The following LMLN variants were observed in gnomAD, a reference collection of about 807,000 sequenced individuals.
LMLN encodes leishmanolysin like peptidase, also known as leishmanolysin-like peptidase.
Under a neutral mutation model 92.3 loss-of-function variants are expected in LMLN, and 70 were observed. The ratio of observed to expected loss-of-function variants is 0.76; its 90% CI spans 0.63 to 0.92. LMLN has a LOEUF of 0.92. Ranked by LOEUF, LMLN falls within the 40% of genes least tolerant of loss-of-function variation. The probability of loss-of-function intolerance (pLI) is 0.00; values close to 1 mark genes in which losing one functional copy is unlikely to be tolerated. For missense variants in LMLN, 691 were observed against 814.6 expected (o/e 0.85, Z 1.85); for synonymous variants, 308 against 296.2 (o/e 1.04, Z -0.41).
chr3:197,980,285 TTGTCTC>T, intron 5 of LMLN, 35 bp from the exon 6 acceptor site: 3 of 1,564,830 alleles, frequency 1.9e-6, no homozygotes, highest in Non-Finnish European at 2.6e-6. Context: ...ACAGCTAACT[TTGTCTC>T]TGTTCTGGCT....
intron 8 of LMLN, among the ~76,000 whole-genome samples, chr3:197,987,360 C>T (rs1293506468): frequency 6.6e-6 from 1 of 151,448 alleles, no homozygotes; most frequent in Non-Finnish European, 1.5e-5. Context: ...AGGGTTTCAC[C>T]ATGTTAGCCA....
At chr3:197,990,515 G>T (rs751393989) in intron 8 of LMLN, 44 bp from the exon 9 acceptor site, 1 of 808,922 alleles carries the variant, frequency 1.2e-6, no homozygotes, top group South Asian at 1.6e-5. Flanking sequence ...TATTTAAAAT[G>T]GTGAATTTTC....
At chr3:198,011,958 ATT>A (rs1212706894) in intron 11 of LMLN, among the ~76,000 whole-genome samples, 1 of 152,204 alleles carries the variant, frequency 6.6e-6, no homozygotes. Flanking sequence ...ATGGGAGAAA[ATT>A]TTTGCAATCT....
chr3:197,974,521 G>A, intron 2 of LMLN, 47 bp downstream of exon 2: 1 of 1,019,940 alleles, frequency 9.8e-7, no homozygotes, highest in Non-Finnish European at 1.4e-6. Context: ...TAATCTAAAT[G>A]TTAAAGATAT....
In LMLN at chr3:197,973,981, A is replaced by G. The variant is rs528469680; in HGVS notation, c.220-396A>G. On this transcript the variant is annotated intron_variant, in intron 1 of 15. Coordinates refer to ENST00000330198, the Ensembl canonical transcript of LMLN. ...GAACTGGAGAAAAAATTCAAAATGG[A>G]AACCTCTTTCATAAATAAATTTTTG... Among the ~76,000 whole-genome samples, 16 of 152,332 alleles carry G rather than the reference A, an allele frequency of 1.1e-4. No homozygotes were observed. In the East Asian group the frequency reaches 3.1e-3, roughly 29 times the overall value.
chr3:198,022,930 G>T lies in LMLN; in HGVS notation c.1525+1325G>T, dbSNP rs80076325. On this transcript the variant is annotated intron_variant, in intron 13 of 15. Transcript: ENST00000330198. ...TCAGCAGTTCCATATTAAAGCAAAA[G>T]AAATGCACAGATCTGTCAGTTATGG... Among the ~76,000 whole-genome samples, 476 of 152,228 alleles carry T rather than the reference G, an allele frequency of 3.1e-3. 3 individuals are homozygous for T. The highest frequency in any genetic ancestry group is 0.011 in the African/African-American group (451 of 41,544).
chr3:197,999,097 A>C (rs1722102505), intron 10 of LMLN, among the ~76,000 whole-genome samples, 169 bp from the exon 11 acceptor site: 1 of 152,232 alleles, frequency 6.6e-6, no homozygotes, highest in African/African-American at 2.4e-5. Flanking sequence ...TTTCACTTCA[A>C]GGTTCAGTCT....
intron 11 of LMLN, among the ~76,000 whole-genome samples, chr3:198,013,537 A>G (rs2109922594): frequency 7.6e-6 from 1 of 131,380 alleles, no homozygotes; most frequent in East Asian, 2.0e-4. Context: ...ACTTCTCTGT[A>G]CCCTTCAAAG....
At chr3:198,026,947 G>C (rs938955299) in intron 14 of LMLN, among the ~76,000 whole-genome samples, 2 of 152,102 alleles carry the variant, frequency 1.3e-5, no homozygotes, top group African/African-American at 4.8e-5. Context: ...AGTAAGGTAG[G>C]AAATGTATGT....
chr3:197,965,099 C>T (rs115125255), intron 1 of LMLN, among the ~76,000 whole-genome samples: 11 of 152,204 alleles, frequency 7.2e-5, no homozygotes, highest in African/African-American at 2.2e-4. Context: ...ACTGCCACCT[C>T]GAACTCCTGT....
chr3:197,981,484 CTG>C (rs1721556736), intron 6 of LMLN, among the ~76,000 whole-genome samples: 1 of 152,224 alleles, frequency 6.6e-6, no homozygotes, highest in African/African-American at 2.4e-5. Flanking sequence ...TGTGCTAAAA[CTG>C]TGAAGAAAGG....
intron 13 of LMLN, among the ~76,000 whole-genome samples, chr3:198,022,007 C>G (rs1722796650): frequency 6.6e-6 from 1 of 152,192 alleles, no homozygotes; most frequent in East Asian, 1.9e-4. Context: ...GAAGATATTA[C>G]TGTATTTCCC....
At chr3:197,961,432 T>C (rs1424860813) in intron 1 of LMLN, among the ~76,000 whole-genome samples, 1 of 152,236 alleles carries the variant, frequency 6.6e-6, no homozygotes, top group Non-Finnish European at 1.5e-5. Context: ...GTTACATGCA[T>C]ACTCTTCATA....
intron 8 of LMLN, among the ~76,000 whole-genome samples, chr3:197,990,188 G>A (rs1216003842): frequency 6.6e-6 from 1 of 152,032 alleles, no homozygotes; most frequent in African/African-American, 2.4e-5. Context: ...TCAGCCGCCT[G>A]TGTAGCTGGG....
At chr3:197,972,692 T>C (rs998455917) in intron 1 of LMLN, among the ~76,000 whole-genome samples, 1 of 151,558 alleles carries the variant, frequency 6.6e-6, no homozygotes, top group African/African-American at 2.4e-5. Context: ...CTGTTGTATT[T>C]CTCTGAATAA....
intron 13 of LMLN, among the ~76,000 whole-genome samples, chr3:198,022,613 T>C (rs1560153580): frequency 6.6e-6 from 1 of 152,230 alleles, no homozygotes; most frequent in Non-Finnish European, 1.5e-5. Context: ...CGCAGCACTT[T>C]GGGAGGCCAA....
At chr3:197,997,036 T>TTTTCTTTTC (rs1382469151) in intron 10 of LMLN, among the ~76,000 whole-genome samples, 1 of 149,964 alleles carries the variant, frequency 6.7e-6, no homozygotes, top group Non-Finnish European at 1.5e-5. Flanking sequence ...TTTTCTTTTC[T>TTTTCTTTTC]TTTCTTTCTT....
chr3:198,013,463 A>G (rs1722513150), intron 11 of LMLN, among the ~76,000 whole-genome samples: 1 of 129,550 alleles, frequency 7.7e-6, no homozygotes, highest in Admixed American at 7.4e-5. Context: ...ACTTCTCTCC[A>G]CCCATCAGAG....
At chr3:198,000,890 T>C (rs1158995638) in intron 11 of LMLN, among the ~76,000 whole-genome samples, 2 of 151,926 alleles carry the variant, frequency 1.3e-5, no homozygotes, top group African/African-American at 4.9e-5. Flanking sequence ...AGTGCAGTCC[T>C]TTATTGTATT....
Sources: gnomAD v4.1 joint callset for allele counts (sites outside exome capture counted in the v4.1 genomes callset) on GRCh38, gnomAD v4.1.1 for gene constraint, MANE v1.5 for transcripts, NCBI Gene and HGNC (gene_info 2026-07-23, HGNC 2026-07-21) for gene names.